Variants in JAKMIP1 observed in about 807,000 individuals in gnomAD.
JAKMIP1 encodes the protein janus kinase and microtubule interacting protein 1.
JAKMIP1 carries 33 observed loss-of-function variants against 113.0 expected under a neutral mutation model. The ratio of observed to expected loss-of-function variants is 0.29; its 90% confidence interval spans 0.22 to 0.39. The LOEUF is 0.39. Among genes scored for constraint, JAKMIP1 ranks in the 10% least tolerant of loss-of-function variants. The probability of loss-of-function intolerance (pLI) is 1.00; values close to 1 mark genes in which losing one functional copy is unlikely to be tolerated. For synonymous variants in JAKMIP1, 480 were observed against 459.9 expected (o/e 1.04, Z -0.56); for missense variants, 813 against 1,080.5 (o/e 0.75, Z 3.47).
chr4:6,098,818 C>T (rs1025546216), intron 3 of JAKMIP1, among the ~76,000 whole-genome samples: 2 of 152,206 alleles, frequency 1.3e-5, no homozygotes, highest in African/African-American at 4.8e-5. Context: ...AAGGCTGGCT[C>T]CTGCCGCTTC....
intron 19 of JAKMIP1, among the ~76,000 whole-genome samples, chr4:6,033,178 A>C (rs1426432669): frequency 6.6e-6 from 1 of 152,204 alleles, no homozygotes; most frequent in African/African-American, 2.4e-5. Flanking sequence ...GGAAAATGCC[A>C]ATTTCAGCTG....
In JAKMIP1 at chr4:6,129,682, G is replaced by A. The variant is rs117121022; in HGVS notation, c.-147-16685C>T. On this transcript the variant is annotated intron_variant, in intron 1 of 20. Transcript: ENST00000409021. The surrounding 1 kb of genome is among the most constrained non-coding windows in gnomAD (Gnocchi z 5.4). The stretch of plus-strand genomic sequence containing the variant: ...AATATTTCCCTACACAGATCAGGAG[G>A]AAGCCATCCCTCTGCATTGTAAATA... Among the ~76,000 whole-genome samples the A allele has an allele frequency of 0.015, 2,288 of 152,262 alleles. 107 individuals carry two copies. The highest frequency in any genetic ancestry group is 0.098 in the Admixed American group (1,498 of 15,302).
chr4:6,029,076 C>A (rs1712241237), intron 20 of JAKMIP1, among the ~76,000 whole-genome samples: 1 of 152,146 alleles, frequency 6.6e-6, no homozygotes. Context: ...CTGCCTGGAC[C>A]AATGTCATAT....
In JAKMIP1 at chr4:6,069,752, CAAAAAA is replaced by C. The variant is rs56832267; in HGVS notation, c.1303-4750_1303-4745del. Among the ~76,000 whole-genome samples, 1 of 125,084 alleles carries C rather than the reference CAAAAAA, an allele frequency of 8.0e-6. No homozygotes were observed. The highest frequency in any genetic ancestry group is 8.4e-5 in the Admixed American group (1 of 11,912). The allele number at this position is 125,084 out of a possible 152,430, so 82.1% of individuals were successfully genotyped here. ...TGGGTGACAGGGCAAGATCCTGTCT[CAAAAAA>C]AAAAAAAAAAAGATTCAGTTTTGGC... On this transcript the variant is annotated intron_variant, in intron 8 of 20. Coordinates refer to ENST00000409021, the MANE Select transcript of JAKMIP1 (RefSeq NM_001099433.2). The surrounding 1 kb of genome is among the most constrained non-coding windows in gnomAD (Gnocchi z 4.5).
At position 6,141,322 on chromosome 4, in the gene JAKMIP1, G is replaced by A. The variant is rs1369439798; in HGVS notation, c.-147-28325C>T. Among the ~76,000 whole-genome samples, 1 of 151,920 alleles carries A rather than the reference G, an allele frequency of 6.6e-6. No individual in the cohort carries two copies. Among genetic ancestry groups the A allele is most frequent in the Admixed American group, 6.5e-5 (1 of 15,270 alleles). Reference sequence around the variant, plus strand: ...GTGGTGGCGCGCATCTGTAATCCCAGCTACTTGACAGGCTGAGGCAGGAGA... The same window carrying A: ...GTGGTGGCGCGCATCTGTAATCCCAACTACTTGACAGGCTGAGGCAGGAGA... On this transcript the variant is annotated intron_variant, in intron 1 of 20. Transcript: ENST00000409021. This position sits in a 1 kb window ranked among gnomAD's most constrained non-coding sequence, Gnocchi z 9.4.
chr4:6,126,615 AACAC>A (rs141257246), intron 1 of JAKMIP1, among the ~76,000 whole-genome samples: 35 of 145,994 alleles, frequency 2.4e-4, no homozygotes, highest in South Asian at 8.9e-4. Context: ...ACCATGCAGA[AACAC>A]ACACACACAC....
rs536335914 is a variant in JAKMIP1 at position 6,138,798 on chromosome 4, G to T, written c.-147-25801C>A. Among the ~76,000 whole-genome samples, 2 of 152,230 alleles carry T rather than the reference G, an allele frequency of 1.3e-5. No homozygotes were observed. The highest frequency in any genetic ancestry group is 6.5e-5 in the Admixed American group (1 of 15,298). ...GGGGCAGGTGCCTTGTCCTCCCTGA[G>T]CTTCAGTTTCCCCTAACCTGGAAAA... On this transcript the variant is annotated intron_variant, in intron 1 of 20. Transcript: ENST00000409021. This position sits in a 1 kb window ranked among gnomAD's most constrained non-coding sequence, Gnocchi z 6.0.
chr4:6,063,253 G>A (rs942239477), intron 9 of JAKMIP1, among the ~76,000 whole-genome samples: 5 of 152,258 alleles, frequency 3.3e-5, no homozygotes, highest in African/African-American at 1.2e-4. Flanking sequence ...ATCAGTGCGT[G>A]CTGCTCATCC....
At chr4:6,032,180 G>T (rs1712775538) in intron 19 of JAKMIP1, among the ~76,000 whole-genome samples, 1 of 152,226 alleles carries the variant, frequency 6.6e-6, no homozygotes, top group African/African-American at 2.4e-5. Flanking sequence ...GACACCGAGG[G>T]TGAAATGGGA....
intron 1 of JAKMIP1, among the ~76,000 whole-genome samples, chr4:6,165,141 G>T (rs1723462758): frequency 6.6e-6 from 1 of 152,122 alleles, no homozygotes; most frequent in African/African-American, 2.4e-5. Flanking sequence ...TTGAGAAATA[G>T]CCACAGCCAC....
intron 8 of JAKMIP1, among the ~76,000 whole-genome samples, chr4:6,077,114 A>G (rs1719791395): frequency 6.6e-6 from 1 of 152,226 alleles, no homozygotes. Flanking sequence ...TATCCCCCCA[A>G]AAAGATAGGT....
chr4:6,117,871 G>A lies in JAKMIP1; in HGVS notation c.-147-4874C>T, dbSNP rs187338764. Reference sequence around the variant, plus strand: ...GCTCTGTTCTGCCTGGCTCACCAGCGGTCAGAGTTTAAGGTTCTCTCTCTT... The same window carrying A: ...GCTCTGTTCTGCCTGGCTCACCAGCAGTCAGAGTTTAAGGTTCTCTCTCTT... On this transcript the variant is annotated intron_variant, in intron 1 of 20. Transcript: ENST00000409021. 2.4e-4 allele frequency among the ~76,000 whole-genome samples: 37 copies of A among 152,126 alleles called. 1 individual carries two copies. In the East Asian group the frequency reaches 4.8e-3, roughly 20 times the overall value.
Position 6,188,639 on chromosome 4 carries a change from G to A in JAKMIP1, c.-148+11614C>T, listed in dbSNP as rs1278783934. ...TCCAAATTAGCAACTTATTAATCTGGGGCACCTGAGGTTTGGGGCACCTGC... is the reference window on the plus strand; with the variant it reads ...TCCAAATTAGCAACTTATTAATCTGAGGCACCTGAGGTTTGGGGCACCTGC... On this transcript the variant is annotated intron_variant, in intron 1 of 20. Coordinates refer to ENST00000409021, the MANE Select transcript of JAKMIP1 (RefSeq NM_001099433.2). This position sits in a 1 kb window ranked among gnomAD's most constrained non-coding sequence, Gnocchi z 5.8. Among the ~76,000 whole-genome samples the A allele has an allele frequency of 1.3e-5, 2 of 152,076 alleles. No homozygotes were observed. The highest frequency in any genetic ancestry group is 1.9e-4 in the East Asian group (1 of 5,180).
chr4:6,089,929 C>T lies in JAKMIP1; in HGVS notation c.625-4300G>A, dbSNP rs1239825539. On this transcript the variant is annotated intron_variant, in intron 3 of 20. Coordinates refer to ENST00000409021, the MANE Select transcript of JAKMIP1 (RefSeq NM_001099433.2). This position sits in a 1 kb window ranked among gnomAD's most constrained non-coding sequence, Gnocchi z 5.3. ...TACCACGTTAGGGTGGACCCTAAAC[C>T]CACTGACTGGCATCCTTAAAAGAAG... Among the ~76,000 whole-genome samples, 1 of 152,050 alleles carries T rather than the reference C, an allele frequency of 6.6e-6. No homozygotes were observed. Among genetic ancestry groups the T allele is most frequent in the African/African-American group, 2.4e-5 (1 of 41,404 alleles).
Position 6,138,569 on chromosome 4 carries a change from C to A in JAKMIP1, c.-147-25572G>T, listed in dbSNP as rs1329435444. Reference sequence around the variant, plus strand: ...CAAGTTAAAATTAAAGAGGGACACACAAAACCATTTTAAACACAGAAGCAG... The same window carrying A: ...CAAGTTAAAATTAAAGAGGGACACAAAAAACCATTTTAAACACAGAAGCAG... On this transcript the variant is annotated intron_variant, in intron 1 of 20. Transcript: ENST00000409021. This position sits in a 1 kb window ranked among gnomAD's most constrained non-coding sequence, Gnocchi z 6.0. 3.3e-5 allele frequency among the ~76,000 whole-genome samples: 5 copies of A among 152,114 alleles called. No homozygotes were observed. Among genetic ancestry groups the A allele is most frequent in the Admixed American group, 6.5e-5 (1 of 15,270 alleles).
chr4:6,028,399 G>A (rs1301492638), intron 20 of JAKMIP1, among the ~76,000 whole-genome samples: 2 of 152,182 alleles, frequency 1.3e-5, no homozygotes, highest in East Asian at 3.9e-4. Flanking sequence ...TTGCGACCCG[G>A]CAGGGCCCTA....
chr4:6,040,824 C>A lies in JAKMIP1; in HGVS notation c.2098-108G>T. The A allele has an allele frequency of 1.2e-6, 1 of 817,784 alleles. No individual in the cohort carries two copies. Among genetic ancestry groups the A allele is most frequent in the Non-Finnish European group, 2.0e-6 (1 of 488,342 alleles). 50.7% of individuals were successfully genotyped at this position (817,784 alleles called of 1,614,324 possible). On this transcript the variant is annotated intron_variant, in intron 17 of 20. Transcript: ENST00000409021. The surrounding 1 kb of genome is among the most constrained non-coding windows in gnomAD (Gnocchi z 5.8). The stretch of plus-strand genomic sequence containing the variant: ...GCAGTCTCACCGAATTGGGGGCACT[C>A]AGATGAGAAGGGACTTGGTGGTCTT...
intron 3 of JAKMIP1, among the ~76,000 whole-genome samples, chr4:6,098,720 GAAAAAGAAAGAA>G (rs1332022801): frequency 1.2e-5 from 1 of 80,284 alleles, no homozygotes; most frequent in East Asian, 2.7e-4. Context: ...AAGAAAGAAA[GAAAAAGAAAGAA>G]AGAGAAGGAA....
intron 3 of JAKMIP1, among the ~76,000 whole-genome samples, chr4:6,090,950 C>T (rs1204968195): frequency 1.3e-5 from 2 of 152,220 alleles, no homozygotes; most frequent in African/African-American, 2.4e-5. Context: ...ACTAGAGCAT[C>T]GCCACCCCAG....
Sources: gnomAD v4.1 joint callset for allele counts (sites outside exome capture counted in the v4.1 genomes callset) on GRCh38, gnomAD v4.1.1 for gene constraint, Gnocchi (gnomAD v3.1) non-coding constraint, MANE v1.5 for transcripts, NCBI Gene and HGNC (gene_info 2026-07-23, HGNC 2026-07-21) for gene names.